ZNF91: variants seen among roughly 807,000 people sequenced by gnomAD.
The protein encoded by ZNF91 is zinc finger protein 91 (HPF7, HTF10).
A neutral mutation model predicts 12.6 loss-of-function variants in ZNF91; 7 were observed. That is an observed-to-expected ratio of 0.55 (90% CI 0.31 to 1.04). The LOEUF is 1.04. Among genes scored for constraint, ZNF91 ranks in the 50% least tolerant of loss-of-function variants. The pLI is 0.05. For missense variants in ZNF91, 1,217 were observed against 1,385.4 expected (o/e 0.88, Z 1.93); for synonymous variants, 453 against 462.6 (o/e 0.98, Z 0.27).
Position 23,362,204 on chromosome 19 carries a change from T to TTA in ZNF91, c.773_774dup (p.Ile259Ter). On this transcript the variant is annotated frameshift_variant, in exon 4 of 4. Coordinates refer to ENST00000300619, the MANE Select transcript of ZNF91 (RefSeq NM_003430.4). LOFTEE classifies it low-confidence loss of function (END_TRUNC). ...TTGTAGATTTTCTCTTTAGCACAGA[T>TTA]TATTTTATGTGTAGTAAGGGTTGAG... 1 of 1,613,010 alleles carries TTA rather than the reference T, an allele frequency of 6.2e-7. No individual in the cohort carries two copies. Among genetic ancestry groups the TTA allele is most frequent in the Non-Finnish European group, 8.5e-7 (1 of 1,179,318 alleles).
downstream of ZNF91, among the ~76,000 whole-genome samples, chr19:23,353,339 T>C (rs1217566797): frequency 1.3e-5 from 2 of 152,118 alleles, no homozygotes; most frequent in Non-Finnish European, 2.9e-5. Flanking sequence ...GGAAATTAAA[T>C]AATCTGCTCC....
chr19:23,306,462 T>A (rs1967400393), intron 3 of ZNF91, among the ~76,000 whole-genome samples: 2 of 151,586 alleles, frequency 1.3e-5, no homozygotes, highest in South Asian at 4.2e-4. Context: ...AATTGTAACG[T>A]ATCACCGGGC....
chr19:23,393,860 C>T (rs1247066470), intron 1 of ZNF91, among the ~76,000 whole-genome samples: 1 of 151,976 alleles, frequency 6.6e-6, no homozygotes, highest in African/African-American at 2.4e-5. Context: ...ATTAGCCAGA[C>T]GTGGTCGTGG....
chr19:23,320,348 A>AT (rs1967662619), intron 1 of ZNF91, among the ~76,000 whole-genome samples: 1 of 152,158 alleles, frequency 6.6e-6, no homozygotes, highest in Non-Finnish European at 1.5e-5. Flanking sequence ...TGCAATTCTC[A>AT]TGCATATCAT....
upstream of ZNF91, among the ~76,000 whole-genome samples, chr19:23,314,165 C>T (rs1182879912): frequency 1.3e-5 from 2 of 152,114 alleles, no homozygotes; most frequent in Non-Finnish European, 2.9e-5. Flanking sequence ...TGACATATTC[C>T]TAGGTCTAAA....
At chr19:23,343,031 A>G (rs556327188) in intron 3 of ZNF91, among the ~76,000 whole-genome samples, 4 of 152,374 alleles carry the variant, frequency 2.6e-5, no homozygotes, top group African/African-American at 9.6e-5. Flanking sequence ...ATTCTGTAAT[A>G]TATTTTTGCA....
chr19:23,341,131 A>G (rs937952359), intron 3 of ZNF91, among the ~76,000 whole-genome samples: 2 of 151,654 alleles, frequency 1.3e-5, no homozygotes, highest in African/African-American at 4.8e-5. Flanking sequence ...GCTCACTGCA[A>G]CCACTGACTC....
intron 1 of ZNF91, among the ~76,000 whole-genome samples, chr19:23,378,939 T>C (rs1011742503): frequency 1.3e-5 from 2 of 152,210 alleles, no homozygotes; most frequent in African/African-American, 4.8e-5. Context: ...ACCAGGGAAC[T>C]AGAGAAACTC....
intron 1 of ZNF91, among the ~76,000 whole-genome samples, chr19:23,388,958 A>G (rs1969969829): frequency 6.6e-6 from 1 of 152,228 alleles, no homozygotes; most frequent in African/African-American, 2.4e-5. Flanking sequence ...TAATAAAAAC[A>G]TGAACACAGA....
intron 1 of ZNF91, among the ~76,000 whole-genome samples, chr19:23,390,647 C>T (rs1243098066): frequency 6.6e-6 from 1 of 152,000 alleles, no homozygotes; most frequent in African/African-American, 2.4e-5. Flanking sequence ...CATGAGCCAT[C>T]GTGGTGGGCC....
At chr19:23,306,401 G>A (rs1967399397) in intron 3 of ZNF91, among the ~76,000 whole-genome samples, 1 of 152,222 alleles carries the variant, frequency 6.6e-6, no homozygotes, top group Non-Finnish European at 1.5e-5. Context: ...ACTGGACTCA[G>A]CCCCTAGGTG....
intron 1 of ZNF91, among the ~76,000 whole-genome samples, chr19:23,386,069 G>T (rs895790598): frequency 2.6e-5 from 4 of 151,980 alleles, no homozygotes; most frequent in African/African-American, 9.7e-5. Flanking sequence ...ATTCACAATT[G>T]CTGCAAAAAT....
intron 1 of ZNF91, chr19:23,328,394 A>C (rs1030244127): frequency 8.5e-5 from 13 of 152,208 alleles, no homozygotes; most frequent in Non-Finnish European, 1.0e-4. Context: ...AGAAGGAAAA[A>C]GAATGCTTCA....
At chr19:23,376,379 CTT>C (rs34610013) in intron 1 of ZNF91, among the ~76,000 whole-genome samples, 1 of 146,922 alleles carries the variant, frequency 6.8e-6, no homozygotes, top group Non-Finnish European at 1.5e-5. Flanking sequence ...CTATCATAAG[CTT>C]TTTTTTTTTT....
chr19:23,358,601 CT>C lies in ZNF91; in HGVS notation c.*801del, dbSNP rs903527858. 1 of 152,440 alleles carries C rather than the reference CT, an allele frequency of 6.6e-6. No individual in the cohort carries two copies. Among genetic ancestry groups the C allele is most frequent in the African/African-American group, 2.4e-5 (1 of 41,430 alleles). 9.4% of individuals were successfully genotyped at this position (152,440 alleles called of 1,614,324 possible). A position where few individuals can be genotyped will look rare whatever the true frequency, so the allele number is the denominator to read the frequency against. ...GTACGATGTGAGCAGGTATTAATGG[CT>C]TTTTGTCTATATTTGTTCACTTTTT... On this transcript the variant is annotated 3_prime_UTR_variant, in exon 4 of 4. Transcript: ENST00000300619.
At chr19:23,389,029 G>GA (rs1969972254) in intron 1 of ZNF91, among the ~76,000 whole-genome samples, 1 of 151,992 alleles carries the variant, frequency 6.6e-6, no homozygotes, top group South Asian at 2.1e-4. Context: ...AACAGGGTCA[G>GA]AAAAAATACC....
chr19:23,362,807 A>C lies in ZNF91; in HGVS notation c.254-82T>G, dbSNP rs868266726. ...TATAGTTTAAAAATCTTACCTACAAAATTATACAAACTACATAAACAATAT... is the reference window on the plus strand; with the variant it reads ...TATAGTTTAAAAATCTTACCTACAACATTATACAAACTACATAAACAATAT... On this transcript the variant is annotated intron_variant, in intron 3 of 3. Coordinates refer to ENST00000300619, the MANE Select transcript of ZNF91 (RefSeq NM_003430.4). 1.3e-5 allele frequency: 17 copies of C among 1,301,504 alleles called. No homozygotes were observed. The Middle Eastern group carries it at 2.7e-3, about 203-fold the overall frequency. 80.6% of individuals were successfully genotyped at this position (1,301,504 alleles called of 1,614,324 possible).
intron 3 of ZNF91, among the ~76,000 whole-genome samples, chr19:23,368,562 C>CTCTCTCTCTCTCTA (rs768532900): frequency 3.4e-5 from 4 of 118,572 alleles, no homozygotes; most frequent in African/African-American, 6.6e-5. Flanking sequence ...CTCTCTCTCT[C>CTCTCTCTCTCTCTA]TATATATATA....
chr19:23,318,066 G>A (rs1386947358), intron 1 of ZNF91, among the ~76,000 whole-genome samples: 3 of 152,160 alleles, frequency 2.0e-5, no homozygotes, highest in Non-Finnish European at 4.4e-5. Flanking sequence ...CTAGTCCACT[G>A]CCTTGGCACC....
Sources: allele counts gnomAD v4.1 joint callset (sites outside exome capture counted in the v4.1 genomes callset), GRCh38; gene constraint gnomAD v4.1.1; transcripts MANE v1.5; gene names NCBI Gene and HGNC (gene_info 2026-07-23, HGNC 2026-07-21).